Variants in RSPO2 observed in about 807,000 individuals in gnomAD.
RSPO2 encodes R-spondin-2.
Under a neutral mutation model 30.9 loss-of-function variants are expected in RSPO2, and 14 were observed. That is an observed-to-expected ratio of 0.45 (90% confidence interval 0.30 to 0.71). The LOEUF is 0.71. RSPO2 is among the 30% of genes least tolerant of loss of function. The pLI, the probability that RSPO2 is intolerant of heterozygous loss-of-function variation, is 0.08. For missense variants in RSPO2, 264 were observed against 301.9 expected (o/e 0.87, Z 0.93); for synonymous variants, 107 against 96.4 (o/e 1.11, Z -0.64).
intron 3 of RSPO2, among the ~76,000 whole-genome samples, chr8:107,984,455 C>T (rs1814559466): frequency 1.3e-5 from 2 of 152,256 alleles, no homozygotes; most frequent in Admixed American, 1.3e-4. Flanking sequence ...AAGGTAAGAT[C>T]CACACCCTTC....
intron 4 of RSPO2, among the ~76,000 whole-genome samples, chr8:107,959,903 C>T (rs758777078): frequency 1.3e-5 from 2 of 152,164 alleles, no homozygotes; most frequent in Non-Finnish European, 2.9e-5. Flanking sequence ...TCTTCTAAGT[C>T]TCCATTTTAA....
At chr8:107,923,653 G>A (rs544032355) in intron 5 of RSPO2, among the ~76,000 whole-genome samples, 1 of 152,192 alleles carries the variant, frequency 6.6e-6, no homozygotes, top group South Asian at 2.1e-4. Context: ...CAACAGCCAA[G>A]ACATGGAATC....
intron 2 of RSPO2, among the ~76,000 whole-genome samples, chr8:108,038,768 T>TA (rs397768101): frequency 7.9e-5 from 12 of 151,986 alleles, no homozygotes; most frequent in African/African-American, 2.7e-4. Flanking sequence ...TTTTTTTTTT[T>TA]AGCAATAAAG....
chr8:107,901,316 A>C, intron 5 of RSPO2, 126 bp from the exon 6 acceptor site: 1 of 1,029,510 alleles, frequency 9.7e-7, no homozygotes, highest in Non-Finnish European at 1.4e-6. Context: ...AAAAGCCTCA[A>C]AGAGAAAATT....
intron 5 of RSPO2, among the ~76,000 whole-genome samples, chr8:107,908,058 T>A (rs868513430): frequency 6.6e-6 from 1 of 152,106 alleles, no homozygotes; most frequent in Non-Finnish European, 1.5e-5. Flanking sequence ...AAGCTAACCC[T>A]GAAGAAGATC....
rs567919967 is a variant in RSPO2 at position 108,042,591 on chromosome 8, A to G, written c.94+39954T>C. Among the ~76,000 whole-genome samples the G allele has an allele frequency of 7.2e-4, 109 of 152,280 alleles. No individual in the cohort carries two copies. The South Asian group carries it at 0.022, about 31-fold the overall frequency. On this transcript the variant is annotated intron_variant, in intron 2 of 5. Transcript: ENST00000276659. ...GGATGAACTAGCTGTAAAAAAAAGA[A>G]TTGAAGCAACTTTGTGATTAACATA...
intron 3 of RSPO2, among the ~76,000 whole-genome samples, chr8:107,972,292 C>A (rs1006743516): frequency 2.0e-4 from 30 of 151,862 alleles, no homozygotes; most frequent in African/African-American, 7.3e-4. Context: ...ATTACAGGTG[C>A]CTGCCACCAT....
chr8:108,069,439 CTT>C (rs753682733), intron 2 of RSPO2, among the ~76,000 whole-genome samples: 36 of 152,176 alleles, frequency 2.4e-4, no homozygotes, highest in Non-Finnish European at 5.3e-4. Flanking sequence ...GTCGCAATCT[CTT>C]GACTTTGTGA....
chr8:108,068,853 T>C lies in RSPO2; in HGVS notation c.94+13692A>G, dbSNP rs79556038. On this transcript the variant is annotated intron_variant, in intron 2 of 5. Transcript: ENST00000276659. Reference sequence around the variant, plus strand: ...AGTCTCAGAGAGAGCATGAACCTCCTTGCATCTTGATTTTGGACTTTTAGC... The same window carrying C: ...AGTCTCAGAGAGAGCATGAACCTCCCTGCATCTTGATTTTGGACTTTTAGC... Among the ~76,000 whole-genome samples the C allele has an allele frequency of 8.5e-3, 1,291 of 152,274 alleles. 35 individuals are homozygous for C. The highest frequency in any genetic ancestry group is 0.03 in the African/African-American group (1,229 of 41,550).
chr8:108,055,429 G>T (rs553441897), intron 2 of RSPO2, among the ~76,000 whole-genome samples: 1 of 152,056 alleles, frequency 6.6e-6, no homozygotes, highest in East Asian at 1.9e-4. Flanking sequence ...GCATTTAAAT[G>T]GGGGGGAGAA....
intron 3 of RSPO2, among the ~76,000 whole-genome samples, chr8:107,963,078 T>C (rs1813681953): frequency 6.6e-6 from 1 of 152,194 alleles, no homozygotes; most frequent in African/African-American, 2.4e-5. Flanking sequence ...TGAGGACTTC[T>C]TCAGGTATAA....
chr8:108,020,238 T>C (rs1004146842), intron 2 of RSPO2, among the ~76,000 whole-genome samples: 1 of 152,278 alleles, frequency 6.6e-6, no homozygotes. Context: ...TTCTCCAAAG[T>C]ATCTTTCACT....
intron 2 of RSPO2, among the ~76,000 whole-genome samples, chr8:107,989,902 G>T (rs1207255746): frequency 6.6e-6 from 1 of 152,166 alleles, no homozygotes; most frequent in Non-Finnish European, 1.5e-5. Context: ...AGACTTTCAT[G>T]AAATGCTACC....
At chr8:107,946,109 C>A in intron 5 of RSPO2, among the ~76,000 whole-genome samples, 1 of 152,252 alleles carries the variant, frequency 6.6e-6, no homozygotes, top group Admixed American at 6.5e-5. Flanking sequence ...CTGGGTGGGT[C>A]ATTATTTAAA....
chr8:107,934,285 T>A (rs746444991), intron 5 of RSPO2, among the ~76,000 whole-genome samples: 1 of 151,850 alleles, frequency 6.6e-6, no homozygotes, highest in Non-Finnish European at 1.5e-5. Flanking sequence ...TAATCCAAAA[T>A]ACAGAATGTA....
intron 2 of RSPO2, among the ~76,000 whole-genome samples, chr8:108,042,240 G>A (rs1426850549): frequency 6.6e-6 from 1 of 152,128 alleles, no homozygotes; most frequent in Non-Finnish European, 1.5e-5. Context: ...TGAGCTAAGG[G>A]TGAGGAAGTT....
intron 2 of RSPO2, among the ~76,000 whole-genome samples, chr8:108,029,285 T>C (rs1286793795): frequency 6.6e-6 from 1 of 151,998 alleles, no homozygotes; most frequent in African/African-American, 2.4e-5. Flanking sequence ...CATATGATCT[T>C]CAAAGCCTAA....
At chr8:107,955,464 A>G (rs1053627766) in intron 5 of RSPO2, among the ~76,000 whole-genome samples, 9 of 152,198 alleles carry the variant, frequency 5.9e-5, no homozygotes, top group Non-Finnish European at 8.8e-5. Flanking sequence ...ATCAAAAATG[A>G]AAAAACAAGA....
chr8:107,983,250 G>A, intron 3 of RSPO2: 1 of 1,585,892 alleles, frequency 6.3e-7, no homozygotes, highest in South Asian at 1.2e-5. Flanking sequence ...CTGAAGCTAT[G>A]AAGCTGACAC....
Sources: allele counts gnomAD v4.1 joint callset (sites outside exome capture counted in the v4.1 genomes callset), GRCh38; gene constraint gnomAD v4.1.1; transcripts MANE v1.5; gene names NCBI Gene and HGNC (gene_info 2026-07-23, HGNC 2026-07-21).